The following SLCO2A1 variants were observed in gnomAD, a reference collection of about 807,000 sequenced individuals.
SLCO2A1 encodes the protein matrin F/G 1.
A neutral mutation model predicts 71.7 loss-of-function variants in SLCO2A1; 60 were observed. That is an observed-to-expected ratio of 0.84 (90% confidence interval 0.68 to 1.04). The LOEUF (loss-of-function observed/expected upper bound fraction) is 1.04. SLCO2A1 is among the 50% of genes least tolerant of loss of function. The pLI is 0.00. For missense variants in SLCO2A1, 745 were observed against 813.4 expected (o/e 0.92, Z 1.02); for synonymous variants, 308 against 326.7 (o/e 0.94, Z 0.62).
At chr3:133,995,707 G>A (rs1934950068) in intron 1 of SLCO2A1, among the ~76,000 whole-genome samples, 1 of 152,142 alleles carries the variant, frequency 6.6e-6, no homozygotes, top group Admixed American at 6.5e-5. Flanking sequence ...GGCAGAGGAG[G>A]GAAATGACCA....
intron 11 of SLCO2A1, among the ~76,000 whole-genome samples, chr3:133,938,824 C>T (rs966351751): frequency 1.3e-5 from 2 of 151,922 alleles, no homozygotes; most frequent in Non-Finnish European, 2.9e-5. Flanking sequence ...CTGAGAACCA[C>T]CAGTCTGTGT....
At chr3:134,019,039 T>G (rs1291240222) in intron 1 of SLCO2A1, among the ~76,000 whole-genome samples, 1 of 152,194 alleles carries the variant, frequency 6.6e-6, no homozygotes, top group Non-Finnish European at 1.5e-5. Flanking sequence ...CTGCTCCCCT[T>G]GGTCACAGCT....
chr3:133,951,480 T>A (rs1933745732), intron 5 of SLCO2A1, 136 bp from the exon 6 acceptor site: 1 of 1,070,184 alleles, frequency 9.3e-7, no homozygotes. Flanking sequence ...AGCTAGATTC[T>A]TGGTCAAAAC....
chr3:133,975,575 G>T (rs1185943790), intron 2 of SLCO2A1, among the ~76,000 whole-genome samples: 1 of 147,224 alleles, frequency 6.8e-6, no homozygotes, highest in African/African-American at 2.5e-5. Flanking sequence ...AAAAGGCAAA[G>T]GCTGTCCCAG....
chr3:134,027,605 A>G (rs1039389217), intron 1 of SLCO2A1, among the ~76,000 whole-genome samples: 7 of 152,164 alleles, frequency 4.6e-5, no homozygotes, highest in Non-Finnish European at 4.4e-5. Context: ...TCTTTAACTC[A>G]GTGTCTGAGG....
chr3:133,976,923 G>A (rs1459675284), intron 2 of SLCO2A1, among the ~76,000 whole-genome samples: 2 of 152,064 alleles, frequency 1.3e-5, no homozygotes, highest in African/African-American at 4.8e-5. Flanking sequence ...GGCCTTTTAC[G>A]CCCAGCCTGT....
intron 1 of SLCO2A1, among the ~76,000 whole-genome samples, chr3:133,994,920 T>G (rs1297933919): frequency 6.6e-6 from 1 of 152,190 alleles, no homozygotes; most frequent in Non-Finnish European, 1.5e-5. Context: ...CCAACTATCA[T>G]GACTTCCTAC....
chr3:134,004,836 C>A (rs907471601), intron 1 of SLCO2A1, among the ~76,000 whole-genome samples: 2 of 152,168 alleles, frequency 1.3e-5, no homozygotes, highest in Non-Finnish European at 2.9e-5. Flanking sequence ...CCTACCAACA[C>A]CTTAAGAAAT....
intron 3 of SLCO2A1, among the ~76,000 whole-genome samples, chr3:133,971,090 G>A (rs34627789): frequency 0.14 from 20,716 of 152,308 alleles, 1,498 homozygotes; most frequent in Middle Eastern, 0.22. Context: ...TTGCCAGGCT[G>A]AGCAGGCCAC....
intron 3 of SLCO2A1, among the ~76,000 whole-genome samples, chr3:133,972,841 G>C (rs1934357544): frequency 6.6e-6 from 1 of 152,016 alleles, no homozygotes; most frequent in African/African-American, 2.4e-5. Context: ...TTACTCATAG[G>C]CCTACTGAAA....
chr3:134,016,008 C>A (rs1254843110), intron 1 of SLCO2A1, among the ~76,000 whole-genome samples: 2 of 151,916 alleles, frequency 1.3e-5, no homozygotes, highest in Non-Finnish European at 2.9e-5. Flanking sequence ...AAAAAAAACA[C>A]CTTAACCTAA....
intron 1 of SLCO2A1, among the ~76,000 whole-genome samples, chr3:133,993,115 A>C (rs1040422728): frequency 1.3e-5 from 2 of 152,230 alleles, no homozygotes; most frequent in Non-Finnish European, 2.9e-5. Flanking sequence ...CTCCTGCTGG[A>C]GTCCAAAAGT....
chr3:133,942,473 CA>C, intron 11 of SLCO2A1, 131 bp downstream of exon 11: 1 of 937,464 alleles, frequency 1.1e-6, no homozygotes, highest in Non-Finnish European at 1.6e-6. Context: ...GAACCTTGCA[CA>C]TTGTCATTTA....
rs1482073875 is a variant in SLCO2A1 at position 134,023,149 on chromosome 3, CAAACA to C, written c.96+6553_96+6557del. On this transcript the variant is annotated intron_variant, in intron 1 of 13. Coordinates refer to ENST00000310926, the MANE Select transcript of SLCO2A1 (RefSeq NM_005630.3). Reference sequence around the variant, plus strand: ...ACAAACAAACAAACAAACAAACAAACAAACAAAAGAATGGACTCATTACACCCGAG... The same window carrying C: ...ACAAACAAACAAACAAACAAACAAACAAAGAATGGACTCATTACACCCGAG... 1.0e-4 allele frequency among the ~76,000 whole-genome samples: 4 copies of C among 38,790 alleles called. No individual in the cohort carries two copies. The Admixed American group carries it at 1.3e-3, about 12-fold the overall frequency. The allele number at this position is 38,790 out of a possible 152,430, so 25.4% of individuals were successfully genotyped here. A position where few individuals can be genotyped will look rare whatever the true frequency, so the allele number is the denominator to read the frequency against.
chr3:134,025,275 G>A (rs1339473021), intron 1 of SLCO2A1, among the ~76,000 whole-genome samples: 2 of 152,060 alleles, frequency 1.3e-5, no homozygotes, highest in East Asian at 3.9e-4. Flanking sequence ...TAAGCGTACT[G>A]GAACTCTAAA....
At chr3:133,941,808 C>T (rs1933430837) in intron 11 of SLCO2A1, among the ~76,000 whole-genome samples, 1 of 152,136 alleles carries the variant, frequency 6.6e-6, no homozygotes, top group African/African-American at 2.4e-5. Flanking sequence ...GACTCTGAAA[C>T]TTTCCACGTT....
chr3:133,948,520 C>G lies in SLCO2A1; in HGVS notation c.1105+16G>C. Reference sequence around the variant, plus strand: ...CAGGCAAGCCCTGCGGATCCTGCAGCACCCTCTGGGCTCACCAATGAGGAA... The same window carrying G: ...CAGGCAAGCCCTGCGGATCCTGCAGGACCCTCTGGGCTCACCAATGAGGAA... On this transcript the variant is annotated intron_variant, in intron 8 of 13. Transcript: ENST00000310926. The G allele has an allele frequency of 6.2e-7, 1 of 1,608,820 alleles. No homozygotes were observed.
Position 134,029,812 on chromosome 3 carries a change from C to A in SLCO2A1, c.-10G>T. On this transcript the variant is annotated 5_prime_UTR_variant, in exon 1 of 14. Coordinates refer to ENST00000310926, the MANE Select transcript of SLCO2A1 (RefSeq NM_005630.3). ...TGGGCAGGAGCCCCATGGCTGCGGG[C>A]GGCTGGCCGGGCGCGGAGTGGCGCG... The A allele has an allele frequency of 7.0e-7, 1 of 1,418,866 alleles. No individual in the cohort carries two copies. Among genetic ancestry groups the A allele is most frequent in the Non-Finnish European group, 9.2e-7 (1 of 1,088,918 alleles). 87.9% of individuals were successfully genotyped at this position (1,418,866 alleles called of 1,614,324 possible).
intron 6 of SLCO2A1, 61 bp downstream of exon 6, chr3:133,951,147 C>G (rs760813438): frequency 1.2e-6 from 2 of 1,606,596 alleles, no homozygotes; most frequent in East Asian, 4.5e-5. Context: ...TATTTATTTT[C>G]TACCCCCACA....
Sources: allele counts gnomAD v4.1 joint callset (sites outside exome capture counted in the v4.1 genomes callset), GRCh38; gene constraint gnomAD v4.1.1; transcripts MANE v1.5; gene names NCBI Gene and HGNC (gene_info 2026-07-23, HGNC 2026-07-21).